The following GALNT13 variants were observed in gnomAD, a reference collection of about 807,000 sequenced individuals.
GALNT13 encodes UDP-GalNAc:polypeptide N-acetylgalactosaminyltransferase 13.
Under a neutral mutation model 64.2 loss-of-function variants are expected in GALNT13, and 28 were observed. The observed-to-expected ratio is 0.44, with a 90% CI of 0.32 to 0.60. The LOEUF (loss-of-function observed/expected upper bound fraction) is 0.60, where lower values mean the gene tolerates loss of function less well. Among genes scored for constraint, GALNT13 ranks in the 20% least tolerant of loss-of-function variants. The probability of loss-of-function intolerance (pLI) is 0.05; values close to 1 mark genes in which losing one functional copy is unlikely to be tolerated. For missense variants in GALNT13, 577 were observed against 669.8 expected (o/e 0.86, Z 1.53); for synonymous variants, 214 against 224.6 (o/e 0.95, Z 0.42).
At chr2:154,372,895 C>G (rs1174982617) in intron 9 of GALNT13, among the ~76,000 whole-genome samples, 1 of 151,942 alleles carries the variant, frequency 6.6e-6, no homozygotes, top group Non-Finnish European at 1.5e-5. Context: ...ACTTTTTGCC[C>G]TTTTCAATAT....
chr2:154,156,959 A>G (rs1406864119), intron 4 of GALNT13, among the ~76,000 whole-genome samples: 1 of 152,214 alleles, frequency 6.6e-6, no homozygotes, highest in Non-Finnish European at 1.5e-5. Flanking sequence ...GACGGTTCAT[A>G]CAGTCATGCT....
At chr2:153,884,766 A>AATATATATATATATATATATATATATAT (rs372541314) in intron 1 of GALNT13, among the ~76,000 whole-genome samples, 103 of 116,276 alleles carry the variant, frequency 8.9e-4, no homozygotes, top group South Asian at 2.3e-3. Flanking sequence ...TAAAAATACG[A>AATATATATATATATATATATATATATAT]ATATATATAT....
At chr2:154,446,960 C>T (rs1009768528) in intron 12 of GALNT13, among the ~76,000 whole-genome samples, 2 of 147,742 alleles carry the variant, frequency 1.4e-5, no homozygotes, top group Non-Finnish European at 1.5e-5. Flanking sequence ...TTTAGTCTAT[C>T]CTTAATGAGT....
At chr2:153,068,765 A>T in the GALNT13 span, among the ~76,000 whole-genome samples, 1 of 152,296 alleles carries the variant, frequency 6.6e-6, no homozygotes, top group African/African-American at 2.4e-5. Context: ...TAGCATAGGT[A>T]TAGACCCCAA....
At chr2:154,047,822 G>A (rs146439966) in intron 3 of GALNT13, among the ~76,000 whole-genome samples, 2 of 152,246 alleles carry the variant, frequency 1.3e-5, no homozygotes, top group African/African-American at 2.4e-5. Context: ...GTGCTCTCCT[G>A]TGTATGTAGC....
chr2:153,659,358 A>T, the GALNT13 span, among the ~76,000 whole-genome samples: 1 of 152,076 alleles, frequency 6.6e-6, no homozygotes, highest in African/African-American at 2.4e-5. Context: ...CATATATTAA[A>T]TGTCTGCTTT....
chr2:154,435,210 G>A (rs1382237222), intron 11 of GALNT13, among the ~76,000 whole-genome samples: 1 of 152,196 alleles, frequency 6.6e-6, no homozygotes, highest in African/African-American at 2.4e-5. Flanking sequence ...AGAAAAGGAA[G>A]AAGAATAGTT....
the GALNT13 span, among the ~76,000 whole-genome samples, chr2:153,379,066 A>G: frequency 1.3e-5 from 2 of 152,100 alleles, no homozygotes; most frequent in Non-Finnish European, 1.5e-5. Flanking sequence ...GGAGTGGGGA[A>G]TGTTCCTAGT....
the GALNT13 span, among the ~76,000 whole-genome samples, chr2:153,191,110 T>C: frequency 1.3e-5 from 2 of 152,122 alleles, no homozygotes; most frequent in African/African-American, 4.8e-5. Flanking sequence ...CAGTACTGTA[T>C]TGACTAGGAA....
At chr2:153,169,016 A>T in the GALNT13 span, among the ~76,000 whole-genome samples, 1 of 23,712 alleles carries the variant, frequency 4.2e-5, no homozygotes, top group Non-Finnish European at 7.5e-5. Flanking sequence ...CTATAGTTTA[A>T]AAAAAAAAAA....
intron 8 of GALNT13, among the ~76,000 whole-genome samples, chr2:154,261,076 G>C (rs1488143108): frequency 6.6e-6 from 1 of 152,068 alleles, no homozygotes; most frequent in East Asian, 1.9e-4. Flanking sequence ...GGAATAATAT[G>C]ATAAACAAGG....
At chr2:153,725,602 A>G in the GALNT13 span, among the ~76,000 whole-genome samples, 1 of 152,010 alleles carries the variant, frequency 6.6e-6, no homozygotes, top group Non-Finnish European at 1.5e-5. Flanking sequence ...AGCTGAGAAA[A>G]TTTTAAGAAG....
the GALNT13 span, among the ~76,000 whole-genome samples, chr2:153,168,412 T>G: frequency 0.2 from 29,736 of 152,138 alleles, 3,343 homozygotes; most frequent in African/African-American, 0.29. Context: ...CTAGATTTAT[T>G]GAGTCATAAT....
chr2:153,788,468 T>A, the GALNT13 span, among the ~76,000 whole-genome samples: 1 of 151,826 alleles, frequency 6.6e-6, no homozygotes, highest in African/African-American at 2.4e-5. Context: ...ATCTTGAAAG[T>A]AAAGCCCATT....
intron 3 of GALNT13, among the ~76,000 whole-genome samples, chr2:154,001,559 T>TCAAA (rs1333529261): frequency 1.3e-5 from 2 of 152,106 alleles, no homozygotes; most frequent in East Asian, 3.9e-4. Context: ...AATCTACAGT[T>TCAAA]CAAACACCAT....
chr2:153,250,028 T>C, the GALNT13 span, among the ~76,000 whole-genome samples: 10 of 152,162 alleles, frequency 6.6e-5, no homozygotes, highest in African/African-American at 2.4e-4. Flanking sequence ...GAAGCTAAAA[T>C]TGACAAATGG....
chr2:153,944,208 A>T (rs926518579), intron 2 of GALNT13, among the ~76,000 whole-genome samples, 186 bp from the exon 3 acceptor site: 13 of 152,198 alleles, frequency 8.5e-5, no homozygotes, highest in Non-Finnish European at 1.8e-4. Context: ...AGTATTAGGT[A>T]TTAAAATGTT....
At chr2:153,538,212 C>G in the GALNT13 span, among the ~76,000 whole-genome samples, 1 of 151,176 alleles carries the variant, frequency 6.6e-6, no homozygotes, top group South Asian at 2.1e-4. Context: ...TATGCTTTAG[C>G]AAAGAGATTG....
At chr2:153,575,912 C>T in the GALNT13 span, among the ~76,000 whole-genome samples, 1 of 152,132 alleles carries the variant, frequency 6.6e-6, no homozygotes, top group African/African-American at 2.4e-5. Context: ...GATGTAGTAC[C>T]TGGGTATTAC....
Sources: gnomAD v4.1 joint callset for allele counts (sites outside exome capture counted in the v4.1 genomes callset) on GRCh38, gnomAD v4.1.1 for gene constraint, MANE v1.5 for transcripts, NCBI Gene and HGNC (gene_info 2026-07-23, HGNC 2026-07-21) for gene names.